Variants in PHF21B observed in about 807,000 individuals in gnomAD.
The protein encoded by PHF21B is PHD finger protein 4.
A neutral mutation model predicts 62.2 loss-of-function variants in PHF21B; 22 were observed. The observed-to-expected ratio is 0.35, with a 90% CI of 0.25 to 0.51. PHF21B has a LOEUF of 0.51. PHF21B is among the 20% of genes least tolerant of loss of function. PHF21B has a pLI of 0.97. For missense variants in PHF21B, 701 were observed against 707.9 expected, an observed-to-expected ratio of 0.99 and a Z score of 0.11; for synonymous variants, 341 against 314.7, an observed-to-expected ratio of 1.08 and a Z score of -0.88.
At chr22:44,999,761 T>C (rs2073181112) in intron 2 of PHF21B, among the ~76,000 whole-genome samples, 1 of 151,962 alleles carries the variant, frequency 6.6e-6, no homozygotes, top group Admixed American at 6.6e-5. Context: ...CCACGGCTTC[T>C]CTACTCACCA....
At chr22:44,956,240 G>A (rs2072294567) in intron 2 of PHF21B, among the ~76,000 whole-genome samples, 1 of 152,190 alleles carries the variant, frequency 6.6e-6, no homozygotes, top group African/African-American at 2.4e-5. Flanking sequence ...ATTTTGCCTG[G>A]GGGAGAAGCT....
rs1387863003 is a variant in PHF21B at position 44,936,081 on chromosome 22, G to A, written c.121-15591C>T. 2.6e-5 allele frequency among the ~76,000 whole-genome samples: 4 copies of A among 152,236 alleles called. 1 individual carries two copies. The highest frequency in any genetic ancestry group is 4.1e-4 in the South Asian group (2 of 4,834). On this transcript the variant is annotated intron_variant, in intron 2 of 12. Transcript: ENST00000313237. ...TTGACTTAAATGTACTAGGAGAGGCGGAAACATTCCTTGTCCTCCAAATAC... is the reference window on the plus strand; with the variant it reads ...TTGACTTAAATGTACTAGGAGAGGCAGAAACATTCCTTGTCCTCCAAATAC...
intron 2 of PHF21B, among the ~76,000 whole-genome samples, chr22:44,945,661 G>C (rs990829170): frequency 1.3e-5 from 2 of 151,254 alleles, no homozygotes; most frequent in Non-Finnish European, 2.9e-5. Context: ...GGGAACCCCA[G>C]GAACGCCATC....
At chr22:44,950,275 G>A (rs558470961) in intron 2 of PHF21B, among the ~76,000 whole-genome samples, 16 of 152,336 alleles carry the variant, frequency 1.1e-4, no homozygotes, top group African/African-American at 3.4e-4. Flanking sequence ...CCTGGGTTGC[G>A]TACCGCAGTG....
chr22:45,009,451 C>T lies in PHF21B; in HGVS notation c.54+45G>A. On this transcript the variant is annotated intron_variant, in intron 1 of 12. Coordinates refer to ENST00000313237, the MANE Select transcript of PHF21B (RefSeq NM_138415.5). This position sits in a 1 kb window ranked among gnomAD's most constrained non-coding sequence, Gnocchi z 5.9. ...GCTCGGGTCCCCCGACCCCCTCACCCCGCAACACACTCCCCGGCCCCGGGC... is the reference window on the plus strand; with the variant it reads ...GCTCGGGTCCCCCGACCCCCTCACCTCGCAACACACTCCCCGGCCCCGGGC... 6.6e-7 allele frequency: 1 copy of T among 1,514,688 alleles called. No individual in the cohort carries two copies. The highest frequency in any genetic ancestry group is 8.8e-7 in the Non-Finnish European group (1 of 1,135,602). 93.8% of individuals were successfully genotyped at this position (1,514,688 alleles called of 1,614,324 possible).
chr22:44,899,981 C>G (rs929530025), intron 5 of PHF21B, among the ~76,000 whole-genome samples: 1 of 152,136 alleles, frequency 6.6e-6, no homozygotes, highest in Non-Finnish European at 1.5e-5. Flanking sequence ...TACTTCTATG[C>G]TGTTAAAAAT....
Position 44,913,974 on chromosome 22 carries a change from C to A in PHF21B, c.679G>T (p.Gly227Cys). ...SPSLSPSPLH[G>C]IFQVIIIQPQ... ...TGAATGATGATGACCTGGAAGATGC[C>A]ATGGAGGGGTGAAGGGGACAGTGAT... Residue 227 changes from glycine (G) to cysteine (C), a missense_variant, in exon 5 of 13, where the codon GGC becomes TGC. Coordinates refer to ENST00000313237, the MANE Select transcript of PHF21B (RefSeq NM_138415.5). 1 of 1,462,586 alleles carries A rather than the reference C, an allele frequency of 6.8e-7. No individual in the cohort carries two copies. The highest frequency in any genetic ancestry group is 1.1e-5 in the South Asian group (1 of 88,472). The allele number at this position is 1,462,586 out of a possible 1,614,324, so 90.6% of individuals were successfully genotyped here.
chr22:44,929,894 G>A (rs1229969258), intron 2 of PHF21B, among the ~76,000 whole-genome samples: 1 of 152,232 alleles, frequency 6.6e-6, no homozygotes, highest in Non-Finnish European at 1.5e-5. Flanking sequence ...ACAGGTCGAA[G>A]ATGAGGTGAG....
intron 2 of PHF21B, among the ~76,000 whole-genome samples, chr22:44,979,859 A>T (rs529048534): frequency 6.6e-6 from 1 of 152,122 alleles, no homozygotes; most frequent in South Asian, 2.1e-4. Flanking sequence ...ATTTGAGGTC[A>T]GGAGTTCAAG....
intron 2 of PHF21B, among the ~76,000 whole-genome samples, chr22:44,979,586 C>G (rs957344565): frequency 6.6e-6 from 1 of 152,192 alleles, no homozygotes. Flanking sequence ...TGCCCAGCGC[C>G]GTGGCAGCTG....
chr22:44,926,674 T>C (rs1248681888), intron 2 of PHF21B, among the ~76,000 whole-genome samples: 2 of 152,194 alleles, frequency 1.3e-5, no homozygotes, highest in African/African-American at 4.8e-5. Flanking sequence ...AGGGTTGCCG[T>C]GTGGGCTGGG....
Position 44,896,094 on chromosome 22 carries a change from G to A in PHF21B, c.832-11C>T, listed in dbSNP as rs1320057277. The A allele has an allele frequency of 1.2e-6, 2 of 1,614,100 alleles. No individual in the cohort carries two copies. Among genetic ancestry groups the A allele is most frequent in the Admixed American group, 1.7e-5 (1 of 60,012 alleles). On this transcript the variant is annotated splice_polypyrimidine_tract_variant and intron_variant, in intron 5 of 12. Coordinates refer to ENST00000313237, the MANE Select transcript of PHF21B (RefSeq NM_138415.5). ...CATGAAGGCGATTTTCTGAGGGAAGGAACAGACAAAGGAGCATTAACACAA... is the reference window on the plus strand; with the variant it reads ...CATGAAGGCGATTTTCTGAGGGAAGAAACAGACAAAGGAGCATTAACACAA...
At chr22:44,951,039 G>A (rs973540107) in intron 2 of PHF21B, among the ~76,000 whole-genome samples, 11 of 152,190 alleles carry the variant, frequency 7.2e-5, no homozygotes, top group South Asian at 2.1e-4. Flanking sequence ...CAGACGCAGC[G>A]GTACAACTGA....
chr22:44,967,069 A>G (rs987150882), intron 2 of PHF21B: 9 of 152,226 alleles, frequency 5.9e-5, no homozygotes, highest in African/African-American at 2.2e-4. Context: ...ATGGAGAGCC[A>G]CGTGGAGCTG....
At chr22:44,916,184 G>C (rs2071428013) in intron 4 of PHF21B, 96 bp downstream of exon 4, 1 of 1,195,124 alleles carries the variant, frequency 8.4e-7, no homozygotes, top group African/African-American at 1.5e-5. Flanking sequence ...CATTCATCCT[G>C]CCTGGGCTTG....
chr22:44,927,011 C>T (rs567853143), intron 2 of PHF21B, among the ~76,000 whole-genome samples: 192 of 152,254 alleles, frequency 1.3e-3, no homozygotes, highest in Non-Finnish European at 2.3e-3. Flanking sequence ...AGGCTCGACG[C>T]TCCCTCCTGA....
chr22:44,951,299 CA>C (rs976914408), intron 2 of PHF21B, among the ~76,000 whole-genome samples: 10 of 152,188 alleles, frequency 6.6e-5, no homozygotes, highest in African/African-American at 2.4e-4. Context: ...AGATCCCTTG[CA>C]TGCAGAGTTC....
chr22:44,899,545 C>T (rs1396029359), intron 5 of PHF21B, among the ~76,000 whole-genome samples: 1 of 152,122 alleles, frequency 6.6e-6, no homozygotes. Flanking sequence ...CCTGGCTCGC[C>T]TCCCAAAGTG....
At chr22:44,966,306 CCT>C (rs2072524022) in intron 2 of PHF21B, among the ~76,000 whole-genome samples, 1 of 152,234 alleles carries the variant, frequency 6.6e-6, no homozygotes. Flanking sequence ...GTCTCCAGCC[CCT>C]TTTTGAGAGA....
Sources: gnomAD v4.1 joint callset for allele counts (sites outside exome capture counted in the v4.1 genomes callset) on GRCh38, gnomAD v4.1.1 for gene constraint, Gnocchi (gnomAD v3.1) non-coding constraint, MANE v1.5 for transcripts, NCBI Gene and HGNC (gene_info 2026-07-23, HGNC 2026-07-21) for gene names.